PRKDC: variants seen among roughly 807,000 people sequenced by gnomAD.
PRKDC encodes the protein DNA-dependent protein kinase catalytic subunit.
In PRKDC, 82 loss-of-function variants were observed where a neutral mutation model predicts 486.9. That is an observed-to-expected ratio of 0.17 (90% CI 0.14 to 0.20). PRKDC has a LOEUF of 0.20. Ranked by LOEUF, PRKDC falls within the 10% of genes least tolerant of loss-of-function variation. PRKDC has a pLI of 1.00. For synonymous variants in PRKDC, 1,895 were observed against 1,837.0 expected (o/e 1.03, Z -0.81); for missense variants, 4,504 against 5,038.2 (o/e 0.89, Z 3.21).
intron 43 of PRKDC, 53 bp from the exon 44 acceptor site, chr8:47,862,180 A>G (rs1369981734): frequency 1.8e-5 from 26 of 1,471,728 alleles, no homozygotes; most frequent in Non-Finnish European, 2.4e-5. Flanking sequence ...GATCCTCATA[A>G]TCGATGTTAC....
intron 1 of PRKDC, among the ~76,000 whole-genome samples, chr8:47,958,487 ACAG>A (rs1351667548): frequency 6.6e-6 from 1 of 152,150 alleles, no homozygotes; most frequent in Non-Finnish European, 1.5e-5. Context: ...GGTAATTGTT[ACAG>A]CAGCAATAAG....
intron 10 of PRKDC, among the ~76,000 whole-genome samples, chr8:47,940,995 T>C (rs187288205): frequency 6.6e-6 from 1 of 152,028 alleles, no homozygotes; most frequent in East Asian, 1.9e-4. Flanking sequence ...CCAGGCACGG[T>C]GGCAGGTGCC....
chr8:47,936,280 G>A (rs1387907681), intron 12 of PRKDC, 73 bp downstream of exon 12: 3 of 1,479,026 alleles, frequency 2.0e-6, no homozygotes, highest in Admixed American at 2.1e-5. Flanking sequence ...TAAATGTATT[G>A]TATGACTCCA....
At chr8:47,901,185 T>C (rs2089675952) in intron 27 of PRKDC, among the ~76,000 whole-genome samples, 1 of 149,922 alleles carries the variant, frequency 6.7e-6, no homozygotes, top group Non-Finnish European at 1.5e-5. Context: ...GGCTCTGTCT[T>C]AAAACATGAA....
chr8:47,844,284 T>A (rs2088218379), intron 54 of PRKDC, among the ~76,000 whole-genome samples: 1 of 152,098 alleles, frequency 6.6e-6, no homozygotes, highest in Non-Finnish European at 1.5e-5. Flanking sequence ...CCAACAATAG[T>A]TAAAAAGGAC....
Position 47,857,166 on chromosome 8 carries a change from G to C in PRKDC, c.6599C>G (p.Ala2200Gly). The C allele has an allele frequency of 6.2e-7, 1 of 1,613,372 alleles. No individual in the cohort carries two copies. Among genetic ancestry groups the C allele is most frequent in the Non-Finnish European group, 8.5e-7 (1 of 1,179,602 alleles). Residue 2200 changes from alanine (A) to glycine (G), a missense_variant, in exon 49 of 86, where the codon GCC (alanine) becomes GGC (glycine). Transcript: ENST00000314191. ...TGCATCAATCCTTACTGTTGGAGTGGCCAAGCCTGTCCATGAAAGAATAGT... is the reference window on the plus strand; with the variant it reads ...TGCATCAATCCTTACTGTTGGAGTGCCCAAGCCTGTCCATGAAAGAATAGT... ...VATILSWTGL[A>G]TPTGVPKDEV... is the part of the protein sequence containing the mutation.
chr8:47,779,746 T>C (rs934744568), intron 80 of PRKDC, among the ~76,000 whole-genome samples: 1 of 151,686 alleles, frequency 6.6e-6, no homozygotes, highest in Non-Finnish European at 1.5e-5. Flanking sequence ...AATGCCACCA[T>C]GCTCAGCTAA....
chr8:47,943,382 C>G lies in PRKDC; in HGVS notation c.809-16G>C. The stretch of plus-strand genomic sequence containing the variant: ...CGCAAGCCAGCTGCAAATGCAAATG[C>G]CATTATATTTAAAATCAGACGACAT... On this transcript the variant is annotated splice_polypyrimidine_tract_variant and intron_variant, in intron 9 of 85. Transcript: ENST00000314191. 1 of 1,585,060 alleles carries G rather than the reference C, an allele frequency of 6.3e-7. No individual in the cohort carries two copies. Among genetic ancestry groups the G allele is most frequent in the African/African-American group, 1.4e-5 (1 of 73,824 alleles).
At chr8:47,853,986 G>T in intron 51 of PRKDC, 97 bp downstream of exon 51, 1 of 1,457,668 alleles carries the variant, frequency 6.9e-7, no homozygotes, top group Non-Finnish European at 9.4e-7. Flanking sequence ...TTGTAGCATG[G>T]GTCTGGTCCT....
Position 47,836,355 on chromosome 8 carries a change from G to A in PRKDC, c.7934C>T (p.Thr2645Ile), listed in dbSNP as rs2154499696. The change falls in exon 58 of 86, where the codon ACA (threonine) becomes ATA (isoleucine). Residue 2645 changes from threonine (T) to isoleucine (I), a missense_variant. This residue lies in a region of PRKDC where 1,592 missense variants were observed against 1,724.6 expected (regional missense o/e 0.92). Coordinates refer to ENST00000314191, the MANE Select transcript of PRKDC (RefSeq NM_006904.7). ...IRATQQQHDF[T>I]LTQTADGRSS... is the part of the protein sequence containing the mutation. ...ACTGTTACCTGCAGTCTGTGTCAGT[G>A]TGAAGTCATGCTGCTGCTGGGTGGC... The A allele has an allele frequency of 1.3e-6, 2 of 1,599,128 alleles. No homozygotes were observed. The highest frequency in any genetic ancestry group is 2.2e-5 in the South Asian group (2 of 89,372).
intron 21 of PRKDC, among the ~76,000 whole-genome samples, chr8:47,926,486 ACCTTATAAATTAAT>A (rs2090159708): frequency 6.6e-6 from 1 of 152,308 alleles, no homozygotes; most frequent in South Asian, 2.1e-4. Flanking sequence ...GAAGAAAAAA[ACCTTATAAATTAAT>A]ACTTGACTTC....
intron 68 of PRKDC, among the ~76,000 whole-genome samples, chr8:47,812,414 T>C (rs1361856739): frequency 6.6e-6 from 1 of 152,146 alleles, no homozygotes; most frequent in Non-Finnish European, 1.5e-5. Flanking sequence ...TTTAAAAGGA[T>C]CAAAATCATA....
intron 68 of PRKDC, among the ~76,000 whole-genome samples, chr8:47,812,466 AAGAT>A (rs1368826610): frequency 1.3e-5 from 2 of 152,246 alleles, no homozygotes; most frequent in African/African-American, 4.8e-5. Context: ...AGAAATCACT[AAGAT>A]AGCCAGAAAA....
At chr8:47,850,055 C>T (rs1351521088) in intron 52 of PRKDC, among the ~76,000 whole-genome samples, 1 of 152,110 alleles carries the variant, frequency 6.6e-6, no homozygotes, top group Non-Finnish European at 1.5e-5. Context: ...CATCTGTCTC[C>T]CCTCCCCAAA....
chr8:47,951,264 G>A (rs1165003578), intron 7 of PRKDC, among the ~76,000 whole-genome samples: 4 of 151,998 alleles, frequency 2.6e-5, no homozygotes, highest in African/African-American at 9.7e-5. Flanking sequence ...GGAGGCGGAG[G>A]TAGGAGGATC....
rs1442394989 is a variant in PRKDC, at chr8:47,858,592, T to C, written c.6389A>G (p.His2130Arg). 3.9e-6 allele frequency: 6 copies of C among 1,558,420 alleles called. No individual in the cohort carries two copies. The South Asian group carries it at 4.9e-5, about 13-fold the overall frequency. ...RDLPSWMKFL[H>R]GKLGNPIVPL... is the part of the protein sequence containing the mutation. ...TACTATTGGATTTCCCAGTTTGCCA[T>C]GGAGGAATTTCATCCAAGAAGGAAG... Residue 2130 changes from histidine to arginine, a missense_variant, in exon 48 of 86, where the codon CAT (histidine) becomes CGT (arginine). Around this residue, in one of 6 missense-constraint regions of PRKDC, gnomAD observed 1,592 missense variants for 1,724.6 expected, o/e 0.92. Coordinates refer to ENST00000314191, the MANE Select transcript of PRKDC (RefSeq NM_006904.7).
rs571977145 is a variant in PRKDC, at chr8:47,862,362, G to C, written c.5919+11C>G. The stretch of plus-strand genomic sequence containing the variant: ...ACAATAACAATAGTGCACACCGTAG[G>C]AGTGGCCTACCTTTTCTGGTTTTTC... On this transcript the variant is annotated intron_variant, in intron 43 of 85. Coordinates refer to ENST00000314191, the MANE Select transcript of PRKDC (RefSeq NM_006904.7). The C allele has an allele frequency of 6.2e-7, 1 of 1,611,050 alleles. No homozygotes were observed. The highest frequency in any genetic ancestry group is 2.2e-5 in the East Asian group (1 of 44,880).
At position 47,890,398 on chromosome 8, in the gene PRKDC, T is replaced by C. The variant is rs188017812; in HGVS notation, c.3930A>G (p.Glu1310=). Residue 1310 remains glutamate (E), a synonymous_variant, in exon 32 of 86, where the codon GAA becomes GAG. Transcript: ENST00000314191. ...SIAMHDIIAA[E]KCFGTGAAGN... ...CTGCTGCCCCAGTGCCAAAGCACTT[T>C]TCTGCTGCTATAATGTCATGCATGG... is the stretch of plus-strand genomic sequence containing the variant. 28 of 1,607,988 alleles carry C rather than the reference T, an allele frequency of 1.7e-5. No homozygotes were observed. In the African/African-American group the frequency reaches 2.8e-4, roughly 16 times the overall value.
intron 11 of PRKDC, among the ~76,000 whole-genome samples, chr8:47,939,284 C>T (rs549906628): frequency 1.2e-3 from 182 of 152,166 alleles, no homozygotes; most frequent in Non-Finnish European, 1.8e-3. Context: ...TCCATGCATA[C>T]TCAAGTCCCA....
Sources: gnomAD v4.1 joint callset for allele counts (sites outside exome capture counted in the v4.1 genomes callset) on GRCh38, gnomAD v4.1.1 for gene constraint, gnomAD v4.1.1 regional missense constraint, MANE v1.5 for transcripts, NCBI Gene and HGNC (gene_info 2026-07-23, HGNC 2026-07-21) for gene names.